The following ADARB1 variants were observed in gnomAD, a reference collection of about 807,000 sequenced individuals.
ADARB1 encodes adenosine deaminase RNA specific B1.
Under a neutral mutation model 52.4 loss-of-function variants are expected in ADARB1, and 10 were observed. That is an observed-to-expected ratio of 0.19 (90% CI 0.12 to 0.32). The LOEUF is 0.32. Among genes scored for constraint, ADARB1 ranks in the 10% least tolerant of loss-of-function variants. The probability of loss-of-function intolerance (pLI) is 1.00; values close to 1 mark genes in which losing one functional copy is unlikely to be tolerated. For synonymous variants in ADARB1, 349 were observed against 371.1 expected (o/e 0.94, Z 0.68); for missense variants, 643 against 922.3 (o/e 0.70, Z 3.92).
chr21:45,194,507 T>C (rs984151457), intron 8 of ADARB1, among the ~76,000 whole-genome samples: 1 of 150,294 alleles, frequency 6.7e-6, no homozygotes, highest in Non-Finnish European at 1.5e-5. Flanking sequence ...GTATTCTGCC[T>C]GTTCACCCCT....
intron 8 of ADARB1, 69 bp downstream of exon 8, chr21:45,185,160 C>T (rs2092060522): frequency 1.4e-5 from 22 of 1,537,118 alleles, no homozygotes; most frequent in Non-Finnish European, 1.9e-5. Context: ...TTGCCAACCT[C>T]CCTTTTCCAC....
At chr21:45,158,693 G>A (rs528807987) in intron 2 of ADARB1, among the ~76,000 whole-genome samples, 3 of 152,224 alleles carry the variant, frequency 2.0e-5, no homozygotes, top group Admixed American at 6.5e-5. Context: ...CCCACACCCC[G>A]CGGGTGTCCC....
At chr21:45,134,689 ATT>A (rs11369444) in intron 2 of ADARB1, 6,506 of 397,260 alleles carry the variant, frequency 0.016, 4 homozygotes, top group Middle Eastern at 0.029. Flanking sequence ...ACTTGCACAG[ATT>A]TTTTTTTTTT....
intron 1 of ADARB1, among the ~76,000 whole-genome samples, chr21:45,125,260 G>A (rs550173483): frequency 5.3e-5 from 8 of 152,252 alleles, no homozygotes; most frequent in African/African-American, 1.9e-4. Context: ...TCCCAACTTA[G>A]TGACATAAAC....
intron 2 of ADARB1, among the ~76,000 whole-genome samples, chr21:45,165,460 G>A (rs571680134): frequency 6.6e-6 from 1 of 152,272 alleles, no homozygotes; most frequent in African/African-American, 2.4e-5. Context: ...TGCTTGCTCT[G>A]TGTACAAGAT....
intron 2 of ADARB1, among the ~76,000 whole-genome samples, chr21:45,167,442 C>CTATT (rs2091297513): frequency 6.6e-6 from 1 of 152,132 alleles, no homozygotes. Flanking sequence ...TGTCTTCTGC[C>CTATT]TATTATTAAT....
At position 45,223,654 on chromosome 21, in the gene ADARB1, G is replaced by C. The variant is rs141226774; in HGVS notation, c.*1457G>C. On this transcript the variant is annotated 3_prime_UTR_variant, in exon 11 of 11. Transcript: ENST00000348831. The stretch of plus-strand genomic sequence containing the variant: ...CATACACCTGCCACAGCGAAATCCA[G>C]GGTGTTGGCACCTGTGTGTCCGTGA... 740 of 985,628 alleles carry C rather than the reference G, an allele frequency of 7.5e-4. 4 individuals carry two copies. The African/African-American group carries it at 0.012, about 15-fold the overall frequency. The allele number at this position is 985,628 out of a possible 1,614,324, so 61.1% of individuals were successfully genotyped here. A position where few individuals can be genotyped will look rare whatever the true frequency, so the allele number is the denominator to read the frequency against.
chr21:45,200,876 C>T lies in ADARB1; in HGVS notation c.1566-3679C>T, dbSNP rs372091475. On this transcript the variant is annotated intron_variant, in intron 8 of 10. Coordinates refer to ENST00000348831, the MANE Select transcript of ADARB1 (RefSeq NM_001112.4). The surrounding 1 kb of genome is among the most constrained non-coding windows in gnomAD (Gnocchi z 5.0). ...TCTGTCTGCAGCTCAGTCTCTCAGG[C>T]CGGGCCCTTTACTGAATCAGGGGAC... Among the ~76,000 whole-genome samples, 4 of 152,292 alleles carry T rather than the reference C, an allele frequency of 2.6e-5. No homozygotes were observed. The East Asian group carries it at 5.8e-4, about 22-fold the overall frequency.
In ADARB1 at chr21:45,164,860, G is replaced by A. The variant is rs2091175826; in HGVS notation, c.-47-6750G>A. ...AGGCTGATGTGTTTAGCCCAACTTT[G>A]GGAGAAGAGCTGGTGACATGGGGTG... On this transcript the variant is annotated intron_variant, in intron 2 of 10. Coordinates refer to ENST00000348831, the MANE Select transcript of ADARB1 (RefSeq NM_001112.4). Among the ~76,000 whole-genome samples the A allele has an allele frequency of 2.0e-5, 3 of 152,166 alleles. No individual in the cohort carries two copies. In the South Asian group the frequency reaches 6.2e-4, roughly 32 times the overall value.
In ADARB1 at chr21:45,143,951, C is replaced by CT. The variant is rs553824159; in HGVS notation, c.-48+15387dup. Among the ~76,000 whole-genome samples the CT allele has an allele frequency of 1.5e-3, 228 of 151,666 alleles. 1 individual carries two copies. Among genetic ancestry groups the CT allele is most frequent in the African/African-American group, 5.1e-3 (209 of 41,334 alleles). Reference sequence around the variant, plus strand: ...CCCCATTGTCCCCATTGTCAGTTGTCTTTTTTTTTCCTTATTAGAACATAA... The same window carrying CT: ...CCCCATTGTCCCCATTGTCAGTTGTCTTTTTTTTTTCCTTATTAGAACATAA... On this transcript the variant is annotated intron_variant, in intron 2 of 10. Transcript: ENST00000348831.
In ADARB1 at chr21:45,204,570, C is replaced by T; in HGVS notation, c.1581C>T (p.Gly527=). ...SDKIARWNVV[G]IQGSLLSIFV... ...CTCCCTCCAGCTGGAACGTGGTGGG[C>T]ATCCAGGGATCCCTGCTCAGCATTT... is the stretch of plus-strand genomic sequence containing the variant. Residue 527 remains glycine (G), a synonymous_variant, in exon 9 of 11, where the codon GGC becomes GGT. Coordinates refer to ENST00000348831, the MANE Select transcript of ADARB1 (RefSeq NM_001112.4). The surrounding 1 kb of genome is among the most constrained non-coding windows in gnomAD (Gnocchi z 4.4). The T allele has an allele frequency of 1.9e-6, 3 of 1,614,092 alleles. 1 individual carries two copies. The South Asian group carries it at 3.3e-5, about 18-fold the overall frequency.
rs1054624587 is a variant in ADARB1, at chr21:45,074,704, C to T, written c.-309C>T. 1.4e-5 allele frequency: 2 copies of T among 146,146 alleles called. No individual in the cohort carries two copies. The highest frequency in any genetic ancestry group is 3.0e-5 in the Non-Finnish European group (2 of 65,624). The allele number at this position is 146,146 out of a possible 1,614,324, so 9.1% of individuals were successfully genotyped here. ...GCCACGCCGCGCCGCTGCGCACAAC[C>T]AACGAGGCAGAGCGCCGCCCGGCGC... On this transcript the variant is annotated 5_prime_UTR_variant, in exon 1 of 11. Coordinates refer to ENST00000348831, the MANE Select transcript of ADARB1 (RefSeq NM_001112.4).
intron 2 of ADARB1, among the ~76,000 whole-genome samples, chr21:45,152,205 C>G (rs1270453332): frequency 6.6e-6 from 1 of 152,214 alleles, no homozygotes; most frequent in Non-Finnish European, 1.5e-5. Flanking sequence ...ATTTTCTAAA[C>G]TGTACTCTTT....
At position 45,208,303 on chromosome 21, in the gene ADARB1, A is replaced by G. The variant is rs1264210206; in HGVS notation, c.1747+3567A>G. ...ACAGCCTGCTCCGGGGTTTGCAGAC[A>G]AGGCTTCCTATCCTGCTGGTTTTCA... On this transcript the variant is annotated intron_variant, in intron 9 of 10. Transcript: ENST00000348831. This position sits in a 1 kb window ranked among gnomAD's most constrained non-coding sequence, Gnocchi z 5.6. Among the ~76,000 whole-genome samples the G allele has an allele frequency of 6.6e-6, 1 of 152,208 alleles. No homozygotes were observed. The highest frequency in any genetic ancestry group is 6.5e-5 in the Admixed American group (1 of 15,282).
chr21:45,122,232 A>C lies in ADARB1; in HGVS notation c.-219-6170A>C, dbSNP rs373936891. ...GGCAGAGCAGAGCCTCAATTTCCAC[A>C]GTCTAATTAAATTATAATGATAAAT... On this transcript the variant is annotated intron_variant, in intron 1 of 10. Coordinates refer to ENST00000348831, the MANE Select transcript of ADARB1 (RefSeq NM_001112.4). Among the ~76,000 whole-genome samples, 7 of 152,376 alleles carry C rather than the reference A, an allele frequency of 4.6e-5. No individual in the cohort carries two copies. In the South Asian group the frequency reaches 1.4e-3, roughly 32 times the overall value.
chr21:45,191,918 A>G (rs1363264308), intron 8 of ADARB1, among the ~76,000 whole-genome samples: 1 of 114,600 alleles, frequency 8.7e-6, no homozygotes, highest in South Asian at 2.6e-4. Context: ...TTTTGTAGTT[A>G]TCTTCATGGT....
chr21:45,120,793 G>A (rs1424895923), intron 1 of ADARB1: 1 of 152,114 alleles, frequency 6.6e-6, no homozygotes, highest in East Asian at 1.9e-4. Context: ...ATCTTCCACA[G>A]GTAGTGTATA....
intron 1 of ADARB1, among the ~76,000 whole-genome samples, chr21:45,106,193 C>CTTT (rs35544997): frequency 0.54 from 78,452 of 146,302 alleles, 21,174 homozygotes; most frequent in East Asian, 0.69. Context: ...CCGTGGGAGG[C>CTTT]TTTTTTTTTT....
intron 3 of ADARB1, among the ~76,000 whole-genome samples, chr21:45,174,612 A>G (rs2091615837): frequency 6.6e-6 from 1 of 152,142 alleles, no homozygotes; most frequent in South Asian, 2.1e-4. Flanking sequence ...CTGAGGCAGG[A>G]GAATCACTTG....
Sources: allele counts gnomAD v4.1 joint callset (sites outside exome capture counted in the v4.1 genomes callset), GRCh38; gene constraint gnomAD v4.1.1; non-coding constraint Gnocchi (gnomAD v3.1); transcripts MANE v1.5; gene names NCBI Gene and HGNC (gene_info 2026-07-23, HGNC 2026-07-21).